Variants in CELF2 observed in about 807,000 individuals in gnomAD.
CELF2 encodes the protein CUGBP Elav-like family member 2, also known as CUG triplet repeat RNA-binding protein 2.
In CELF2, 8 loss-of-function variants were observed where a neutral mutation model predicts 62.6. The ratio of observed to expected loss-of-function variants is 0.13; its 90% CI spans 0.07 to 0.23. CELF2 has a LOEUF of 0.23. Among genes scored for constraint, CELF2 ranks in the 10% least tolerant of loss-of-function variants. CELF2 has a pLI of 1.00. For synonymous variants in CELF2, 258 were observed against 250.0 expected (o/e 1.03, Z -0.30); for missense variants, 333 against 671.0 (o/e 0.50, Z 5.56).
chr10:10,776,954 G>A, the CELF2 span, among the ~76,000 whole-genome samples: 1 of 152,218 alleles, frequency 6.6e-6, no homozygotes, highest in South Asian at 2.1e-4. Context: ...TCTTGGCTAT[G>A]CCATTCGGCC....
At chr10:10,640,108 C>T in the CELF2 span, among the ~76,000 whole-genome samples, 1 of 152,184 alleles carries the variant, frequency 6.6e-6, no homozygotes. Flanking sequence ...TCTCAGTGTG[C>T]TACATCCAGT....
chr10:10,738,629 A>T, the CELF2 span, among the ~76,000 whole-genome samples: 2 of 152,228 alleles, frequency 1.3e-5, no homozygotes, highest in East Asian at 1.9e-4. Flanking sequence ...GTTTTGAGCC[A>T]TTATCCTAGT....
the CELF2 span, among the ~76,000 whole-genome samples, chr10:10,740,410 G>A: frequency 6.6e-6 from 1 of 152,270 alleles, no homozygotes; most frequent in Non-Finnish European, 1.5e-5. Context: ...GAGATAGCAA[G>A]TGTTGACCAG....
At chr10:11,213,478 C>A (rs141970262) in intron 2 of CELF2, among the ~76,000 whole-genome samples, 1 of 152,198 alleles carries the variant, frequency 6.6e-6, no homozygotes, top group Non-Finnish European at 1.5e-5. Flanking sequence ...GTTGAGCCTT[C>A]GTGGTTTTTC....
chr10:11,238,400 C>T (rs1398528643), intron 3 of CELF2, among the ~76,000 whole-genome samples: 1 of 152,118 alleles, frequency 6.6e-6, no homozygotes, highest in Non-Finnish European at 1.5e-5. Context: ...TTGTTTTATA[C>T]CCTCTAGTTT....
the CELF2 span, among the ~76,000 whole-genome samples, chr10:10,745,983 T>C: frequency 6.6e-6 from 1 of 152,240 alleles, no homozygotes; most frequent in Non-Finnish European, 1.5e-5. Flanking sequence ...CTAACTGTCC[T>C]TATTTTGCAT....
the CELF2 span, among the ~76,000 whole-genome samples, chr10:10,644,736 A>G: frequency 1.3e-5 from 2 of 152,086 alleles, no homozygotes; most frequent in African/African-American, 2.4e-5. Context: ...TAGCCCCACT[A>G]GTGTCTAAAG....
the CELF2 span, among the ~76,000 whole-genome samples, chr10:10,676,499 CA>C: frequency 6.6e-6 from 1 of 152,160 alleles, no homozygotes; most frequent in African/African-American, 2.4e-5. Flanking sequence ...AGCAAAGCAC[CA>C]AGAGATTTTT....
chr10:11,251,018 T>G (rs2076963286), intron 4 of CELF2, among the ~76,000 whole-genome samples: 1 of 152,142 alleles, frequency 6.6e-6, no homozygotes, highest in South Asian at 2.1e-4. Flanking sequence ...GAGATGACTC[T>G]TGTATTTTGG....
intron 1 of CELF2, among the ~76,000 whole-genome samples, chr10:10,878,096 C>T (rs1009328667): frequency 6.6e-6 from 1 of 152,178 alleles, no homozygotes; most frequent in Admixed American, 6.5e-5. Context: ...TGGGATTGCT[C>T]GCCCGCCAGC....
intron 2 of CELF2, among the ~76,000 whole-genome samples, chr10:11,203,252 G>C (rs2059689412): frequency 6.6e-6 from 1 of 152,046 alleles, no homozygotes; most frequent in Non-Finnish European, 1.5e-5. Context: ...GGTGTGGAGA[G>C]TTTTTTGTTA....
At chr10:10,743,967 A>G in the CELF2 span, among the ~76,000 whole-genome samples, 2 of 152,194 alleles carry the variant, frequency 1.3e-5, no homozygotes, top group Non-Finnish European at 1.5e-5. Context: ...TAAATGTAAA[A>G]TGTTCTTAGT....
the CELF2 span, among the ~76,000 whole-genome samples, chr10:10,661,260 T>A: frequency 6.6e-6 from 1 of 152,222 alleles, no homozygotes; most frequent in East Asian, 1.9e-4. Context: ...TTAAATTGAA[T>A]CATATAGTGT....
At chr10:11,240,401 C>T (rs189927212) in intron 3 of CELF2, among the ~76,000 whole-genome samples, 3 of 152,348 alleles carry the variant, frequency 2.0e-5, no homozygotes, top group East Asian at 3.9e-4. Context: ...GATCAATTAA[C>T]GTCAGTGATT....
rs546726564 is a variant in CELF2 at position 11,251,561 on chromosome 10, G to A, written c.403+2360G>A. 2.2e-4 allele frequency among the ~76,000 whole-genome samples: 33 copies of A among 152,256 alleles called. 1 individual carries two copies. The South Asian group carries it at 6.8e-3, about 32-fold the overall frequency. On this transcript the variant is annotated intron_variant, in intron 4 of 12. Transcript: ENST00000633077. ...GTTACCTGAAAATGCTGTTTTTCAA[G>A]CAGCAGCCTGGGGTAGCAGTTATGA...
chr10:11,163,776 A>G (rs1412264214), intron 1 of CELF2, among the ~76,000 whole-genome samples: 1 of 152,200 alleles, frequency 6.6e-6, no homozygotes, highest in Non-Finnish European at 1.5e-5. Context: ...AGCGAAGAGT[A>G]TTTGACATCA....
intron 2 of CELF2, among the ~76,000 whole-genome samples, chr10:10,968,064 T>A (rs556005320): frequency 4.9e-4 from 75 of 152,216 alleles, no homozygotes; most frequent in African/African-American, 1.6e-3. Flanking sequence ...TTTTAAGAAC[T>A]GGGAAGGAGC....
chr10:10,866,371 G>GGAGGGT (rs2060360891), intron 1 of CELF2, among the ~76,000 whole-genome samples: 1 of 151,042 alleles, frequency 6.6e-6, no homozygotes, highest in African/African-American at 2.4e-5. Flanking sequence ...CAGCACTTTG[G>GGAGGGT]GAGGCAGGCA....
upstream of CELF2, among the ~76,000 whole-genome samples, chr10:11,003,990 A>T (rs550068136): frequency 5.9e-5 from 9 of 152,266 alleles, no homozygotes; most frequent in South Asian, 1.9e-3. The surrounding 1 kb of genome is among the most constrained non-coding windows in gnomAD (Gnocchi z 4.4). Context: ...TCCAGCTGAT[A>T]CATCATGCAA....
Sources: allele counts gnomAD v4.1 joint callset (sites outside exome capture counted in the v4.1 genomes callset), GRCh38; gene constraint gnomAD v4.1.1; non-coding constraint Gnocchi (gnomAD v3.1); transcripts MANE v1.5; gene names NCBI Gene and HGNC (gene_info 2026-07-23, HGNC 2026-07-21).